Variants in RBP2 observed in about 807,000 individuals in gnomAD.
The protein encoded by RBP2 is retinol binding protein 2.
In RBP2, 17 loss-of-function variants were observed where a neutral mutation model predicts 17.0. That is an observed-to-expected ratio of 1.00 (90% confidence interval 0.68 to 1.50). The LOEUF is 1.50. RBP2 is among the 40% of genes most tolerant of loss of function. The pLI is 0.00. For missense variants in RBP2, 158 were observed against 168.2 expected (o/e 0.94, Z 0.33); for synonymous variants, 48 against 57.1 (o/e 0.84, Z 0.72).
chr3:139,470,165 G>C (rs766432593), intron 1 of RBP2, among the ~76,000 whole-genome samples: 1 of 151,826 alleles, frequency 6.6e-6, no homozygotes, highest in South Asian at 2.1e-4. Context: ...ATGCTCCCCC[G>C]CCACCCCAGC....
Position 139,462,164 on chromosome 3 carries a change from A to G in RBP2, c.200T>C (p.Val67Ala), listed in dbSNP as rs1007168802. ...TFRNYDVDFTVGVEFDEYTKS... is the reference protein window; with the variant it reads ...TFRNYDVDFTAGVEFDEYTKS... Reference sequence around the variant, plus strand: ...TGTGTACTCGTCAAACTCTACTCCAACAGTGAAATCCACATCATAGTTGCG... The same window carrying G: ...TGTGTACTCGTCAAACTCTACTCCAGCAGTGAAATCCACATCATAGTTGCG... Residue 67 changes from valine to alanine, a missense_variant, in exon 2 of 4, where the codon GTT becomes GCT. By Grantham distance (64) the Val-to-Ala change is moderately conservative (BLOSUM62 0). Coordinates refer to ENST00000232217, the MANE Select transcript of RBP2 (RefSeq NM_004164.3). The G allele has an allele frequency of 6.2e-7, 1 of 1,613,980 alleles. No homozygotes were observed. The highest frequency in any genetic ancestry group is 1.3e-5 in the African/African-American group (1 of 74,902).
intron 1 of RBP2, among the ~76,000 whole-genome samples, chr3:139,465,113 T>C (rs1392274529): frequency 2.0e-5 from 3 of 152,104 alleles, no homozygotes; most frequent in African/African-American, 7.2e-5. Context: ...TGGATAGATG[T>C]GTAGAGAGAT....
intron 2 of RBP2, among the ~76,000 whole-genome samples, chr3:139,456,372 A>G (rs978402502): frequency 6.6e-6 from 1 of 152,122 alleles, no homozygotes; most frequent in African/African-American, 2.4e-5. Context: ...TGACCATATT[A>G]TATACTTTAT....
chr3:139,470,129 A>T (rs1164659746), intron 1 of RBP2, among the ~76,000 whole-genome samples: 4 of 152,078 alleles, frequency 2.6e-5, no homozygotes, highest in Non-Finnish European at 5.9e-5. Flanking sequence ...CTGAAACCAA[A>T]ATATGCAAAC....
At chr3:139,464,462 A>G (rs74482179) in intron 1 of RBP2, among the ~76,000 whole-genome samples, 1 of 152,128 alleles carries the variant, frequency 6.6e-6, no homozygotes, top group Non-Finnish European at 1.5e-5. Flanking sequence ...CAAAAAAAAA[A>G]ATCCTTCTTT....
At chr3:139,455,516 TG>T (rs1943380280) in intron 2 of RBP2, among the ~76,000 whole-genome samples, 1 of 152,178 alleles carries the variant, frequency 6.6e-6, no homozygotes, top group Non-Finnish European at 1.5e-5. Flanking sequence ...ACAGGGCACA[TG>T]GGGATATAAA....
At chr3:139,453,286 G>T in intron 3 of RBP2, 120 bp from the exon 4 acceptor site, 1 of 1,076,542 alleles carries the variant, frequency 9.3e-7, no homozygotes, top group Non-Finnish European at 1.4e-6. Flanking sequence ...AGGTATTCTG[G>T]GCAAAGTGCA....
intron 1 of RBP2, among the ~76,000 whole-genome samples, chr3:139,474,887 A>G (rs1933682093): frequency 6.6e-6 from 1 of 152,172 alleles, no homozygotes; most frequent in African/African-American, 2.4e-5. Context: ...GGTACTAAAA[A>G]TCACAGGTGC....
intron 1 of RBP2, among the ~76,000 whole-genome samples, chr3:139,465,787 A>G (rs908330408): frequency 2.0e-5 from 3 of 152,194 alleles, no homozygotes; most frequent in African/African-American, 4.8e-5. Context: ...GGGCTGTATA[A>G]TAAGTGAGAG....
chr3:139,471,797 C>T (rs1386208870), intron 1 of RBP2, among the ~76,000 whole-genome samples: 1 of 152,154 alleles, frequency 6.6e-6, no homozygotes, highest in African/African-American at 2.4e-5. Flanking sequence ...CTGGGTACTG[C>T]TCTCAATACC....
intron 1 of RBP2, among the ~76,000 whole-genome samples, chr3:139,471,272 A>G (rs1416121228): frequency 6.6e-6 from 1 of 152,230 alleles, no homozygotes; most frequent in African/African-American, 2.4e-5. Flanking sequence ...GTATCATGGT[A>G]TGAGAATAAT....
intron 2 of RBP2, among the ~76,000 whole-genome samples, chr3:139,456,814 A>C (rs1231609699): frequency 1.3e-5 from 2 of 152,208 alleles, no homozygotes; most frequent in Admixed American, 1.3e-4. Flanking sequence ...CTAAAGAAAA[A>C]AAAGGTCTCC....
rs1168263529 is a variant in RBP2 at position 139,452,915 on chromosome 3, G to A, written c.*201C>T. Reference sequence around the variant, plus strand: ...GTTTCAAAATATGGGAGTAATTTTTGTTTTTCCATTTAATGCTAGGTTTCA... The same window carrying A: ...GTTTCAAAATATGGGAGTAATTTTTATTTTTCCATTTAATGCTAGGTTTCA... On this transcript the variant is annotated 3_prime_UTR_variant, in exon 4 of 4. Transcript: ENST00000232217. The A allele has an allele frequency of 1.7e-6, 1 of 586,916 alleles. No individual in the cohort carries two copies. Among genetic ancestry groups the A allele is most frequent in the Non-Finnish European group, 3.0e-6 (1 of 331,776 alleles). The allele number at this position is 586,916 out of a possible 1,614,324, so 36.4% of individuals were successfully genotyped here. A position where few individuals can be genotyped will look rare whatever the true frequency, so the allele number is the denominator to read the frequency against.
rs1350587430 is a variant in RBP2, at chr3:139,454,795, A to G, written c.288T>C (p.Cys96=). The G allele has an allele frequency of 1.9e-6, 3 of 1,614,154 alleles. No individual in the cohort carries two copies. In the East Asian group the frequency reaches 6.7e-5, roughly 36 times the overall value. The change falls in exon 3 of 4, where the codon TGT becomes TGC. Residue 96 remains cysteine, a synonymous_variant. Transcript: ENST00000232217. ...LVTWEGDVLV[C]VQKGEKENRG... Reference sequence around the variant, plus strand: ...GGTTCTCCTTCTCCCCCTTTTGCACACACACAAGGACATCACCTTCCCAGG... The same window carrying G: ...GGTTCTCCTTCTCCCCCTTTTGCACGCACACAAGGACATCACCTTCCCAGG...
intron 1 of RBP2, 85 bp downstream of exon 1, chr3:139,476,302 G>T: frequency 2.7e-6 from 3 of 1,131,388 alleles, no homozygotes; most frequent in South Asian, 1.3e-5. Flanking sequence ...CAGGTCTGTT[G>T]AACTCCATAG....
intron 1 of RBP2, among the ~76,000 whole-genome samples, chr3:139,469,683 G>GTCTATCTATCTA (rs1187927537): frequency 1.1e-3 from 141 of 127,646 alleles, no homozygotes; most frequent in African/African-American, 1.5e-3. Context: ...CTGTCTGTCT[G>GTCTATCTATCTA]TCTGTCTATC....
intron 1 of RBP2, among the ~76,000 whole-genome samples, chr3:139,474,592 A>G (rs908331066): frequency 6.6e-6 from 1 of 152,202 alleles, no homozygotes; most frequent in African/African-American, 2.4e-5. Context: ...TTGTTAAAGT[A>G]CTTTTAATTG....
rs148901510 is a variant in RBP2, at chr3:139,454,586, T to A, written c.354+143A>T. 87 of 692,732 alleles carry A rather than the reference T, an allele frequency of 1.3e-4. No homozygotes were observed. In the African/African-American group the frequency reaches 1.3e-3, roughly 10 times the overall value. 42.9% of individuals were successfully genotyped at this position (692,732 alleles called of 1,614,324 possible). A position where few individuals can be genotyped will look rare whatever the true frequency, so the allele number is the denominator to read the frequency against. ...TCCCCTGAGCCAGATGGGAATGGCT[T>A]TCTGACTATATGACCACATGCATTT... On this transcript the variant is annotated intron_variant, in intron 3 of 3. Coordinates refer to ENST00000232217, the MANE Select transcript of RBP2 (RefSeq NM_004164.3).
chr3:139,459,635 A>AT (rs1933116730), intron 2 of RBP2, among the ~76,000 whole-genome samples: 1 of 150,650 alleles, frequency 6.6e-6, no homozygotes, highest in South Asian at 2.1e-4. Context: ...AAAAAAAAAA[A>AT]GAAAGAAATT....
Sources: gnomAD v4.1 joint callset for allele counts (sites outside exome capture counted in the v4.1 genomes callset) on GRCh38, gnomAD v4.1.1 for gene constraint, MANE v1.5 for transcripts, NCBI Gene and HGNC (gene_info 2026-07-23, HGNC 2026-07-21) for gene names.